The following ADGRG6 variants were observed in gnomAD, a reference collection of about 807,000 sequenced individuals.
ADGRG6 encodes G-protein coupled receptor 126.
A neutral mutation model predicts 142.4 loss-of-function variants in ADGRG6; 84 were observed. The observed-to-expected ratio is 0.59, with a 90% CI of 0.49 to 0.71. The LOEUF is 0.71. Ranked by LOEUF, ADGRG6 falls within the 30% of genes least tolerant of loss-of-function variation. The pLI, the probability that ADGRG6 is intolerant of heterozygous loss-of-function variation, is 0.00. For missense variants in ADGRG6, 1,367 were observed against 1,466.6 expected (o/e 0.93, Z 1.11); for synonymous variants, 521 against 520.5 (o/e 1.00, Z -0.01).
chr6:142,420,101 C>A lies in ADGRG6; in HGVS notation c.3316C>A (p.Gln1106Lys). 6.2e-7 allele frequency: 1 copy of A among 1,608,908 alleles called. No individual in the cohort carries two copies. The highest frequency in any genetic ancestry group is 8.5e-7 in the Non-Finnish European group (1 of 1,175,882). The change falls in exon 22 of 25, where the codon CAA becomes AAA. Residue 1106 changes from glutamine to lysine, a missense_variant. Coordinates refer to ENST00000367609, the MANE Select transcript of ADGRG6 (RefSeq NM_198569.3). Reference protein sequence around the residue: ...MYLFSIFNSLQGLFIFIFHCA... With the variant: ...MYLFSIFNSLKGLFIFIFHCA... ...CCTCTTCTCCATCTTCAATTCATTA[C>A]AAGGTAAGATAAATTGTACATGAAT...
At chr6:142,334,371 T>C (rs1779210371) in intron 2 of ADGRG6, among the ~76,000 whole-genome samples, 1 of 152,156 alleles carries the variant, frequency 6.6e-6, no homozygotes, top group Non-Finnish European at 1.5e-5. Context: ...ATCCAGGCTA[T>C]CTATACCATC....
At position 142,334,206 on chromosome 6, in the gene ADGRG6, A is replaced by G. The variant is rs530852655; in HGVS notation, c.103+24562A>G. On this transcript the variant is annotated intron_variant, in intron 2 of 24. Coordinates refer to ENST00000367609, the MANE Select transcript of ADGRG6 (RefSeq NM_198569.3). Reference sequence around the variant, plus strand: ...TTCTTAGACAAAAGATGGAAGAAATAATTCAGGAAGGAAGCTAAGAAGAAT... The same window carrying G: ...TTCTTAGACAAAAGATGGAAGAAATGATTCAGGAAGGAAGCTAAGAAGAAT... Among the ~76,000 whole-genome samples, 7 of 152,340 alleles carry G rather than the reference A, an allele frequency of 4.6e-5. No individual in the cohort carries two copies. The South Asian group carries it at 1.4e-3, about 32-fold the overall frequency.
intron 2 of ADGRG6, among the ~76,000 whole-genome samples, chr6:142,323,376 C>T (rs922361030): frequency 2.6e-5 from 4 of 151,966 alleles, no homozygotes; most frequent in Non-Finnish European, 5.9e-5. Flanking sequence ...AGGTGAGGCT[C>T]AATCTTTACA....
chr6:142,366,650 G>A (rs1163459631), intron 2 of ADGRG6, among the ~76,000 whole-genome samples: 2 of 151,712 alleles, frequency 1.3e-5, no homozygotes, highest in African/African-American at 4.9e-5. Context: ...AGCTACTCGG[G>A]AGGCTGAGGC....
chr6:142,355,773 TCACC>T (rs1477657453), intron 2 of ADGRG6, among the ~76,000 whole-genome samples: 1 of 149,096 alleles, frequency 6.7e-6, no homozygotes, highest in Admixed American at 6.7e-5. Flanking sequence ...GTGCCCTTAC[TCACC>T]CACCGAGAAC....
chr6:142,352,227 A>G (rs147290177), intron 2 of ADGRG6, among the ~76,000 whole-genome samples: 16 of 152,324 alleles, frequency 1.1e-4, no homozygotes, highest in East Asian at 9.6e-4. Context: ...ATGCCCATCA[A>G]TGGTGGATTA....
intron 1 of ADGRG6, 105 bp from the exon 2 acceptor site, chr6:142,309,439 A>C (rs938926476): frequency 9.5e-6 from 6 of 632,774 alleles, no homozygotes; most frequent in Non-Finnish European, 1.6e-5. Flanking sequence ...AGGATGAAAA[A>C]GGTTTATTTT....
At chr6:142,353,546 A>G (rs1421497679) in intron 2 of ADGRG6, among the ~76,000 whole-genome samples, 1 of 152,186 alleles carries the variant, frequency 6.6e-6, no homozygotes, top group African/African-American at 2.4e-5. Flanking sequence ...GGATTACTAT[A>G]TTAATATTAC....
chr6:142,437,051 C>T (rs768959064), intron 22 of ADGRG6, among the ~76,000 whole-genome samples: 1 of 152,102 alleles, frequency 6.6e-6, no homozygotes, highest in Non-Finnish European at 1.5e-5. Flanking sequence ...TGTGTGTTTT[C>T]CATTTTCTCT....
intron 2 of ADGRG6, among the ~76,000 whole-genome samples, chr6:142,339,805 G>C: frequency 6.6e-6 from 1 of 151,990 alleles, no homozygotes; most frequent in Non-Finnish European, 1.5e-5. Context: ...GCAGATAATT[G>C]GTTTTGGATT....
At chr6:142,343,199 T>C (rs150058289) in intron 2 of ADGRG6, among the ~76,000 whole-genome samples, 3 of 151,912 alleles carry the variant, frequency 2.0e-5, no homozygotes, top group Admixed American at 6.6e-5. Flanking sequence ...TCATGTTACC[T>C]AAGTGCCTAT....
At position 142,393,279 on chromosome 6, in the gene ADGRG6, A is replaced by G. The variant is rs150322005; in HGVS notation, c.1361+279A>G. Among the ~76,000 whole-genome samples, 432 of 152,260 alleles carry G rather than the reference A, an allele frequency of 2.8e-3. 6 individuals carry two copies. Among genetic ancestry groups the G allele is most frequent in the Admixed American group, 0.026 (395 of 15,284 alleles). On this transcript the variant is annotated intron_variant, in intron 8 of 24. Transcript: ENST00000367609. ...ATTAAAATCGGATAATTAAATATAAATAGAAGTTGTTAGTTTCTTCTCACA... is the reference window on the plus strand; with the variant it reads ...ATTAAAATCGGATAATTAAATATAAGTAGAAGTTGTTAGTTTCTTCTCACA...
intron 4 of ADGRG6, among the ~76,000 whole-genome samples, chr6:142,373,881 C>CTTTTTTTTT (rs769498618): frequency 9.6e-5 from 9 of 93,840 alleles, no homozygotes; most frequent in East Asian, 2.9e-4. Flanking sequence ...TTTTTCTTTT[C>CTTTTTTTTT]TTTTTTTTTT....
chr6:142,392,364 C>G (rs993255830), intron 7 of ADGRG6, among the ~76,000 whole-genome samples: 1 of 151,998 alleles, frequency 6.6e-6, no homozygotes, highest in East Asian at 1.9e-4. Flanking sequence ...ACCATAAAGA[C>G]TGCTAAATAA....
At chr6:142,439,104 T>A (rs1777622650) in intron 24 of ADGRG6, among the ~76,000 whole-genome samples, 1 of 152,128 alleles carries the variant, frequency 6.6e-6, no homozygotes, top group Non-Finnish European at 1.5e-5. Flanking sequence ...GAGAAATGAT[T>A]GAGCAACTGT....
At chr6:142,361,988 T>C (rs1385243614) in intron 2 of ADGRG6, among the ~76,000 whole-genome samples, 1 of 152,194 alleles carries the variant, frequency 6.6e-6, no homozygotes, top group Non-Finnish European at 1.5e-5. Flanking sequence ...AACAGTTCAT[T>C]TGTTTGGATC....
chr6:142,330,511 A>G (rs1297670052), intron 2 of ADGRG6, among the ~76,000 whole-genome samples: 2 of 152,206 alleles, frequency 1.3e-5, no homozygotes, highest in Non-Finnish European at 2.9e-5. Flanking sequence ...GGCTTCCCCT[A>G]ACCCTCAATG....
intron 21 of ADGRG6, 132 bp downstream of exon 21, chr6:142,417,501 G>A (rs1027774883): frequency 5.6e-5 from 34 of 606,120 alleles, no homozygotes; most frequent in Middle Eastern, 4.4e-4. Flanking sequence ...CAAAATCTCT[G>A]CTACACCACA....
At chr6:142,331,864 C>T (rs1439049902) in intron 2 of ADGRG6, among the ~76,000 whole-genome samples, 2 of 152,054 alleles carry the variant, frequency 1.3e-5, no homozygotes, top group Admixed American at 6.6e-5. Context: ...TTCATGTTAA[C>T]TTTTTTGTCT....
Sources: gnomAD v4.1 joint callset for allele counts (sites outside exome capture counted in the v4.1 genomes callset) on GRCh38, gnomAD v4.1.1 for gene constraint, MANE v1.5 for transcripts, NCBI Gene and HGNC (gene_info 2026-07-23, HGNC 2026-07-21) for gene names.